Variants in UBE2W observed in about 807,000 individuals in gnomAD.
The protein encoded by UBE2W is ubiquitin-conjugating enzyme E2 W.
UBE2W carries 18 observed loss-of-function variants against 27.2 expected under a neutral mutation model. The observed-to-expected ratio is 0.66, with a 90% confidence interval of 0.46 to 0.98. The LOEUF is 0.98. Ranked by LOEUF, UBE2W falls within the 50% of genes least tolerant of loss-of-function variation. The pLI, the probability that UBE2W is intolerant of heterozygous loss-of-function variation, is 0.00. For missense variants in UBE2W, 90 were observed against 180.2 expected (o/e 0.50, Z 2.87); for synonymous variants, 53 against 57.2 (o/e 0.93, Z 0.33).
At chr8:73,813,922 G>A (rs746959861) in intron 3 of UBE2W, among the ~76,000 whole-genome samples, 9 of 151,958 alleles carry the variant, frequency 5.9e-5, no homozygotes, top group Non-Finnish European at 8.8e-5. Context: ...TAGTAGAGAT[G>A]GGGTTTTACC....
rs925126112 is a variant in UBE2W at position 73,787,675 on chromosome 8, G to A, written c.*6427C>T. ...ACAGATGCTGAGATAGCCCCTTCTT[G>A]TGGTTATTTCTTTCCTCTTCTTGCA... On this transcript the variant is annotated 3_prime_UTR_variant, in exon 6 of 6. Coordinates refer to ENST00000602593, the MANE Select transcript of UBE2W (RefSeq NM_018299.6). 2.0e-6 allele frequency: 2 copies of A among 985,416 alleles called. No individual in the cohort carries two copies. The highest frequency in any genetic ancestry group is 2.4e-6 in the Non-Finnish European group (2 of 829,938). The allele number at this position is 985,416 out of a possible 1,614,324, so 61.0% of individuals were successfully genotyped here. A position where few individuals can be genotyped will look rare whatever the true frequency, so the allele number is the denominator to read the frequency against.
intron 4 of UBE2W, among the ~76,000 whole-genome samples, chr8:73,781,011 T>G (rs1807830726): frequency 6.6e-6 from 1 of 151,964 alleles, no homozygotes; most frequent in Non-Finnish European, 1.5e-5. Flanking sequence ...GGCTCACGCC[T>G]GTAATCCCAG....
chr8:73,808,464 C>T (rs1255804990), intron 4 of UBE2W, among the ~76,000 whole-genome samples: 2 of 152,212 alleles, frequency 1.3e-5, no homozygotes, highest in Admixed American at 6.5e-5. Flanking sequence ...AACTCCTGGC[C>T]TCAAGTGCTC....
chr8:73,789,075 A>T lies in UBE2W; in HGVS notation c.*5027T>A. 1 of 985,262 alleles carries T rather than the reference A, an allele frequency of 1.0e-6. No individual in the cohort carries two copies. Among genetic ancestry groups the T allele is most frequent in the Non-Finnish European group, 1.2e-6 (1 of 829,910 alleles). 61.0% of individuals were successfully genotyped at this position (985,262 alleles called of 1,614,324 possible). ...TTACAATTAACATCTCACCAGGATC[A>T]AAGAACCCTAACTTCAACTTTCAGG... On this transcript the variant is annotated 3_prime_UTR_variant, in exon 6 of 6. Coordinates refer to ENST00000602593, the MANE Select transcript of UBE2W (RefSeq NM_018299.6).
At chr8:73,873,072 A>AT (rs931604893) in intron 1 of UBE2W, among the ~76,000 whole-genome samples, 11 of 151,332 alleles carry the variant, frequency 7.3e-5, no homozygotes, top group East Asian at 1.9e-4. Flanking sequence ...CGCCTGGCTA[A>AT]TTTTTTTTGT....
chr8:73,788,966 T>A lies in UBE2W; in HGVS notation c.*5136A>T, dbSNP rs944774496. On this transcript the variant is annotated 3_prime_UTR_variant, in exon 6 of 6. Coordinates refer to ENST00000602593, the MANE Select transcript of UBE2W (RefSeq NM_018299.6). ...CCTCAGATATTTTATTAACAAAAAATTTTTCATAAAAAAATAGTCATTTAA... is the reference window on the plus strand; with the variant it reads ...CCTCAGATATTTTATTAACAAAAAAATTTTCATAAAAAAATAGTCATTTAA... 7 of 982,998 alleles carry A rather than the reference T, an allele frequency of 7.1e-6. No homozygotes were observed. The highest frequency in any genetic ancestry group is 5.2e-4 in the Middle Eastern group (1 of 1,926). 60.9% of individuals were successfully genotyped at this position (982,998 alleles called of 1,614,324 possible).
At position 73,787,152 on chromosome 8, in the gene UBE2W, T is replaced by A; in HGVS notation, c.*6950A>T. On this transcript the variant is annotated 3_prime_UTR_variant, in exon 6 of 6. Transcript: ENST00000602593. ...TATGCAGGCAAACATTAAAAATAAA[T>A]CTTACAGGCAACTAAAAAAATGGTT... 1.0e-6 allele frequency: 1 copy of A among 985,406 alleles called. No individual in the cohort carries two copies. Among genetic ancestry groups the A allele is most frequent in the Non-Finnish European group, 1.2e-6 (1 of 829,928 alleles). 61.0% of individuals were successfully genotyped at this position (985,406 alleles called of 1,614,324 possible).
rs999982135 is a variant in UBE2W at position 73,867,715 on chromosome 8, A to G, written c.15+11093T>C. Among the ~76,000 whole-genome samples, 13 of 3,044 alleles carry G rather than the reference A, an allele frequency of 4.3e-3. No homozygotes were observed. In the East Asian group the frequency reaches 0.42, roughly 98 times the overall value. The allele number at this position is 3,044 out of a possible 152,430, so 2.0% of individuals were successfully genotyped here. ...TGACGGAGTGAGGCTCTGTCTCAGA[A>G]AAAAAAAAAAAAAAAATTATTGGGC... On this transcript the variant is annotated intron_variant, in intron 1 of 5. Coordinates refer to ENST00000602593, the MANE Select transcript of UBE2W (RefSeq NM_018299.6).
rs562113204 is a variant in UBE2W at position 73,874,490 on chromosome 8, A to G, written c.15+4318T>C. ...TTTAACAACAACAACAAAAAATTCA[A>G]TTTTAGGATTCACCTGAGAAAAGAA... On this transcript the variant is annotated intron_variant, in intron 1 of 5. Coordinates refer to ENST00000602593, the MANE Select transcript of UBE2W (RefSeq NM_018299.6). 6.6e-5 allele frequency among the ~76,000 whole-genome samples: 10 copies of G among 152,296 alleles called. No homozygotes were observed. The East Asian group carries it at 1.7e-3, about 26-fold the overall frequency.
intron 1 of UBE2W, among the ~76,000 whole-genome samples, chr8:73,846,814 AT>A (rs1248895983): frequency 6.6e-6 from 1 of 152,192 alleles, no homozygotes; most frequent in Admixed American, 6.5e-5. Context: ...AAACATGCAG[AT>A]AAACTTTAGA....
intron 3 of UBE2W, among the ~76,000 whole-genome samples, chr8:73,818,046 C>CGATT (rs1440686684): frequency 2.0e-5 from 3 of 152,178 alleles, no homozygotes; most frequent in Non-Finnish European, 4.4e-5. Context: ...CACATAAACT[C>CGATT]TTTTTGTCCT....
intron 3 of UBE2W, among the ~76,000 whole-genome samples, chr8:73,815,901 TA>T (rs1366029539): frequency 1.3e-5 from 2 of 152,216 alleles, no homozygotes; most frequent in African/African-American, 4.8e-5. Flanking sequence ...CAACAGTACT[TA>T]ATGTGTAACT....
intron 3 of UBE2W, among the ~76,000 whole-genome samples, chr8:73,821,147 AG>A (rs1296884181): frequency 6.6e-6 from 1 of 152,128 alleles, no homozygotes; most frequent in East Asian, 1.9e-4. Flanking sequence ...ATGGCAAAGG[AG>A]GAAAGGAAAG....
chr8:73,811,517 T>G (rs1157594473), intron 3 of UBE2W, among the ~76,000 whole-genome samples: 2 of 152,138 alleles, frequency 1.3e-5, no homozygotes, highest in African/African-American at 4.8e-5. Context: ...GTACTATATT[T>G]ATTCTACAGG....
At chr8:73,876,209 T>G (rs1012957596) in intron 1 of UBE2W, among the ~76,000 whole-genome samples, 1 of 151,774 alleles carries the variant, frequency 6.6e-6, no homozygotes, top group African/African-American at 2.4e-5. Context: ...GTCTGACACA[T>G]AGAGGTCCCC....
chr8:73,839,484 T>C (rs1167503320), intron 1 of UBE2W, among the ~76,000 whole-genome samples: 3 of 151,782 alleles, frequency 2.0e-5, no homozygotes, highest in Non-Finnish European at 4.4e-5. Flanking sequence ...AAACCCCATC[T>C]CTACTAAACA....
intron 1 of UBE2W, among the ~76,000 whole-genome samples, chr8:73,842,564 G>A (rs1440610702): frequency 1.1e-4 from 14 of 133,000 alleles, no homozygotes; most frequent in Admixed American, 7.4e-4. Context: ...AAAAAATGAC[G>A]TGGACGTGAG....
intron 3 of UBE2W, among the ~76,000 whole-genome samples, chr8:73,813,109 A>AAAAAAG (rs1554580723): frequency 5.6e-5 from 8 of 143,170 alleles, no homozygotes; most frequent in African/African-American, 1.6e-4. Context: ...AAAAAAAAAA[A>AAAAAAG]GAACAACTGC....
intron 2 of UBE2W, among the ~76,000 whole-genome samples, chr8:73,828,534 T>C (rs2130905375): frequency 6.6e-6 from 1 of 152,310 alleles, no homozygotes; most frequent in East Asian, 1.9e-4. Flanking sequence ...TCTAGATCTG[T>C]TACTTTCCTA....
Sources: gnomAD v4.1 joint callset for allele counts (sites outside exome capture counted in the v4.1 genomes callset) on GRCh38, gnomAD v4.1.1 for gene constraint, MANE v1.5 for transcripts, NCBI Gene and HGNC (gene_info 2026-07-23, HGNC 2026-07-21) for gene names.